The following BMP5 variants were observed in gnomAD, a reference collection of about 807,000 sequenced individuals.
BMP5 encodes the protein bone morphogenetic protein 5.
BMP5 carries 23 observed loss-of-function variants against 46.6 expected under a neutral mutation model. That is an observed-to-expected ratio of 0.49 (90% CI 0.35 to 0.70). BMP5 has a LOEUF of 0.70. BMP5 is among the 30% of genes least tolerant of loss of function. The probability of loss-of-function intolerance (pLI) is 0.00; values close to 1 mark genes in which losing one functional copy is unlikely to be tolerated. For missense variants in BMP5, 545 were observed against 565.6 expected (o/e 0.96, Z 0.37); for synonymous variants, 204 against 191.9 (o/e 1.06, Z -0.52).
chr6:55,763,140 C>G (rs1415011839), intron 4 of BMP5, among the ~76,000 whole-genome samples: 1 of 152,052 alleles, frequency 6.6e-6, no homozygotes, highest in Non-Finnish European at 1.5e-5. Context: ...GAATATTTAT[C>G]TATTCATCTT....
At chr6:55,872,308 A>G (rs2127556946) in intron 1 of BMP5, among the ~76,000 whole-genome samples, 1 of 151,822 alleles carries the variant, frequency 6.6e-6, no homozygotes, top group Admixed American at 6.6e-5. Flanking sequence ...AAGAAGAAAC[A>G]ACATAGTTTG....
chr6:55,822,857 T>G (rs971913491), intron 1 of BMP5, among the ~76,000 whole-genome samples: 3 of 152,076 alleles, frequency 2.0e-5, no homozygotes, highest in South Asian at 2.1e-4. Context: ...TTAATAAAAT[T>G]TTATATTAAA....
At chr6:55,819,187 C>T (rs531267125) in intron 2 of BMP5, among the ~76,000 whole-genome samples, 7 of 152,062 alleles carry the variant, frequency 4.6e-5, no homozygotes, top group African/African-American at 1.4e-4. Context: ...TGTATCATTC[C>T]GAATTAACCA....
At chr6:55,761,659 A>G (rs1195315989) in intron 4 of BMP5, among the ~76,000 whole-genome samples, 3 of 152,070 alleles carry the variant, frequency 2.0e-5, no homozygotes, top group Non-Finnish European at 2.9e-5. Flanking sequence ...CTTAAGCAAC[A>G]TCTCAACAAG....
intron 1 of BMP5, among the ~76,000 whole-genome samples, chr6:55,867,197 T>C (rs1777664123): frequency 6.6e-6 from 1 of 152,108 alleles, no homozygotes; most frequent in Non-Finnish European, 1.5e-5. Context: ...TATTTATCCC[T>C]TGGTATCTGT....
intron 3 of BMP5, among the ~76,000 whole-genome samples, chr6:55,784,613 A>C (rs978585887): frequency 1.3e-5 from 2 of 151,768 alleles, no homozygotes; most frequent in Admixed American, 1.3e-4. Context: ...TAATTTATCA[A>C]ATTAACTATA....
intron 2 of BMP5, among the ~76,000 whole-genome samples, chr6:55,804,001 A>G (rs1188462422): frequency 2.6e-5 from 4 of 152,206 alleles, no homozygotes; most frequent in East Asian, 1.9e-4. Context: ...ACCAGGTCCC[A>G]TGATTGCAGA....
chr6:55,757,312 A>G (rs1049874261), intron 6 of BMP5, among the ~76,000 whole-genome samples: 1 of 151,990 alleles, frequency 6.6e-6, no homozygotes, highest in Non-Finnish European at 1.5e-5. Context: ...AAATGATGAT[A>G]AAAAGAGGCA....
chr6:55,801,987 CT>C (rs1775859461), intron 2 of BMP5, among the ~76,000 whole-genome samples: 1 of 152,158 alleles, frequency 6.6e-6, no homozygotes, highest in Non-Finnish European at 1.5e-5. Flanking sequence ...CAAGAATGAA[CT>C]GATATCCTTC....
chr6:55,797,181 T>TC lies in BMP5; in HGVS notation c.684-2755dup, dbSNP rs202088162. Reference sequence around the variant, plus strand: ...TTCATAGCAGGTTCTTAAAAACAAGTCCCCCCCAACCCCATTCTGTAGAAT... The same window carrying TC: ...TTCATAGCAGGTTCTTAAAAACAAGTCCCCCCCCAACCCCATTCTGTAGAAT... On this transcript the variant is annotated intron_variant, in intron 2 of 6. Transcript: ENST00000370830. Among the ~76,000 whole-genome samples, 1,123 of 151,774 alleles carry TC rather than the reference T, an allele frequency of 7.4e-3. 14 individuals are homozygous for TC. The highest frequency in any genetic ancestry group is 0.026 in the African/African-American group (1,059 of 41,344).
chr6:55,779,691 T>C (rs1775260746), intron 3 of BMP5, among the ~76,000 whole-genome samples: 1 of 152,032 alleles, frequency 6.6e-6, no homozygotes, highest in East Asian at 1.9e-4. Context: ...ATTAAGTATA[T>C]TGTAATCTAG....
rs1344243206 is a variant in BMP5, at chr6:55,865,893, C to T, written c.490+8483G>A. On this transcript the variant is annotated intron_variant, in intron 1 of 6. Coordinates refer to ENST00000370830, the MANE Select transcript of BMP5 (RefSeq NM_021073.4). ...GTGAAATGGTTTGCTCAAGGATACG[C>T]AGCTGGAATTCAAACCAGTCTGGCT... 9.2e-5 allele frequency among the ~76,000 whole-genome samples: 14 copies of T among 152,230 alleles called. No individual in the cohort carries two copies. The East Asian group carries it at 1.9e-3, about 21-fold the overall frequency.
intron 1 of BMP5, among the ~76,000 whole-genome samples, chr6:55,859,135 T>TA (rs960552943): frequency 2.0e-5 from 3 of 151,448 alleles, no homozygotes; most frequent in Admixed American, 6.6e-5. Flanking sequence ...AGTAAAATTT[T>TA]AAAAAAAAAG....
At chr6:55,861,779 C>A (rs1777531154) in intron 1 of BMP5, among the ~76,000 whole-genome samples, 1 of 152,088 alleles carries the variant, frequency 6.6e-6, no homozygotes, top group African/African-American at 2.4e-5. Context: ...GAAAATAGTG[C>A]AAATTCAATA....
intron 3 of BMP5, among the ~76,000 whole-genome samples, chr6:55,794,063 T>C (rs1775644097): frequency 6.6e-6 from 1 of 152,212 alleles, no homozygotes; most frequent in Admixed American, 6.5e-5. Flanking sequence ...TACCTACGTC[T>C]TCTTTACCTC....
At chr6:55,792,866 C>T (rs1418655188) in intron 3 of BMP5, among the ~76,000 whole-genome samples, 1 of 152,070 alleles carries the variant, frequency 6.6e-6, no homozygotes, top group African/African-American at 2.4e-5. Flanking sequence ...GTTTTTCTTG[C>T]CTGATTCTGT....
chr6:55,757,325 G>T (rs1292992536), intron 6 of BMP5, among the ~76,000 whole-genome samples: 1 of 151,860 alleles, frequency 6.6e-6, no homozygotes, highest in East Asian at 1.9e-4. Context: ...AAGAGGCAAA[G>T]AATTTTCTGA....
chr6:55,837,952 T>C (rs764059318), intron 1 of BMP5, among the ~76,000 whole-genome samples: 7 of 152,188 alleles, frequency 4.6e-5, no homozygotes, highest in Non-Finnish European at 8.8e-5. Context: ...AACCTAATGA[T>C]ACCTAGTTTC....
At chr6:55,780,912 T>A (rs9475404) in intron 3 of BMP5, among the ~76,000 whole-genome samples, 4,714 of 152,084 alleles carry the variant, frequency 0.031, 250 homozygotes, top group African/African-American at 0.11. Context: ...ACTGAGGTGA[T>A]GGAAAATGAT....
Sources: allele counts gnomAD v4.1 joint callset (sites outside exome capture counted in the v4.1 genomes callset), GRCh38; gene constraint gnomAD v4.1.1; transcripts MANE v1.5; gene names NCBI Gene and HGNC (gene_info 2026-07-23, HGNC 2026-07-21).